The following CMIP variants were observed in gnomAD, a reference collection of about 807,000 sequenced individuals.
CMIP encodes C-Maf-inducing protein.
A neutral mutation model predicts 97.3 loss-of-function variants in CMIP; 13 were observed. The ratio of observed to expected loss-of-function variants is 0.13; its 90% confidence interval spans 0.09 to 0.21. The LOEUF is 0.21. Among genes scored for constraint, CMIP ranks in the 10% least tolerant of loss-of-function variants. CMIP has a pLI of 1.00. For synonymous variants in CMIP, 538 were observed against 436.3 expected (o/e 1.23, Z -2.91); for missense variants, 847 against 1,024.9 (o/e 0.83, Z 2.37).
At chr16:81,533,289 T>C (rs1283758004) in intron 1 of CMIP, among the ~76,000 whole-genome samples, 1 of 152,200 alleles carries the variant, frequency 6.6e-6, no homozygotes, top group African/African-American at 2.4e-5. Context: ...ACCTGCTAGA[T>C]GCTCAGTACA....
chr16:81,458,981 G>A (rs575786270), intron 1 of CMIP, among the ~76,000 whole-genome samples: 1 of 151,862 alleles, frequency 6.6e-6, no homozygotes, highest in African/African-American at 2.4e-5. Flanking sequence ...TGTCATCTCC[G>A]CTGTCACCAT....
At chr16:81,502,523 G>A (rs1210792171) in intron 1 of CMIP, among the ~76,000 whole-genome samples, 1 of 152,092 alleles carries the variant, frequency 6.6e-6, no homozygotes, top group African/African-American at 2.4e-5. Flanking sequence ...TAACTCATTC[G>A]CTCAGCGATC....
intron 1 of CMIP, among the ~76,000 whole-genome samples, chr16:81,551,361 C>G (rs1425670354): frequency 6.6e-6 from 1 of 152,244 alleles, no homozygotes; most frequent in Non-Finnish European, 1.5e-5. Flanking sequence ...TTAGTCACTT[C>G]TAGCTAATTA....
intron 1 of CMIP, among the ~76,000 whole-genome samples, chr16:81,534,154 G>C (rs1184531122): frequency 6.6e-6 from 1 of 152,172 alleles, no homozygotes; most frequent in Non-Finnish European, 1.5e-5. Context: ...TCAAAGCCAG[G>C]ACTTTCAGGA....
chr16:81,587,701 C>A (rs149425360), intron 1 of CMIP, among the ~76,000 whole-genome samples: 1 of 152,240 alleles, frequency 6.6e-6, no homozygotes, highest in Non-Finnish European at 1.5e-5. Flanking sequence ...TCTACTGCTC[C>A]TGACTTCCTG....
At chr16:81,528,985 G>A (rs906073220) in intron 1 of CMIP, among the ~76,000 whole-genome samples, 7 of 151,164 alleles carry the variant, frequency 4.6e-5, no homozygotes, top group Non-Finnish European at 8.8e-5. Flanking sequence ...CCATCTATCC[G>A]CCCATCCCTT....
At chr16:81,562,347 T>G (rs571499233) in intron 1 of CMIP, among the ~76,000 whole-genome samples, 3 of 152,334 alleles carry the variant, frequency 2.0e-5, no homozygotes, top group African/African-American at 7.2e-5. Flanking sequence ...TGGGTCTTCT[T>G]AGTCCTGACA....
At chr16:81,687,271 C>T (rs1567662979) in intron 10 of CMIP, among the ~76,000 whole-genome samples, 1 of 152,184 alleles carries the variant, frequency 6.6e-6, no homozygotes, top group Non-Finnish European at 1.5e-5. Context: ...ACCTGGGCCC[C>T]TCCTGGGGTG....
Position 81,696,686 on chromosome 16 carries a change from G to C in CMIP, c.1638+19G>C, listed in dbSNP as rs766349137. ...CAGCATGGTACGCAGTGGGACCCCA[G>C]TGGGGTGACTTCCAGGGGTCCCTGG... On this transcript the variant is annotated intron_variant, in intron 14 of 20. Transcript: ENST00000537098. The C allele has an allele frequency of 1.0e-5, 16 of 1,600,126 alleles. No homozygotes were observed. The highest frequency in any genetic ancestry group is 1.4e-5 in the Non-Finnish European group (16 of 1,177,770).
intron 7 of CMIP, among the ~76,000 whole-genome samples, chr16:81,668,655 A>T (rs866048828): frequency 6.6e-6 from 1 of 152,100 alleles, no homozygotes. Context: ...CTAGCGTGGC[A>T]CAGATGGGGC....
At chr16:81,618,454 T>C (rs995525699) in intron 2 of CMIP, 1 of 152,246 alleles carries the variant, frequency 6.6e-6, no homozygotes, top group African/African-American at 2.4e-5. Context: ...GCAGGATAAC[T>C]TAATCACAAG....
chr16:81,670,630 G>T (rs1043731889), intron 8 of CMIP, among the ~76,000 whole-genome samples: 121 of 123,700 alleles, frequency 9.8e-4, no homozygotes, highest in African/African-American at 3.0e-3. Context: ...TGGGGGGGGG[G>T]GGGGTGGTTG....
At chr16:81,565,161 G>T (rs1156297483) in intron 1 of CMIP, among the ~76,000 whole-genome samples, 2 of 152,116 alleles carry the variant, frequency 1.3e-5, no homozygotes, top group Non-Finnish European at 2.9e-5. Context: ...CCCTCCTTCG[G>T]CCAAGGGATG....
chr16:81,527,487 C>T (rs953736974), intron 1 of CMIP, among the ~76,000 whole-genome samples: 1 of 152,146 alleles, frequency 6.6e-6, no homozygotes, highest in Non-Finnish European at 1.5e-5. Context: ...TTCAAAAGTA[C>T]ACAACCAAAT....
chr16:81,592,500 C>G, intron 1 of CMIP, among the ~76,000 whole-genome samples: 1 of 152,172 alleles, frequency 6.6e-6, no homozygotes, highest in Non-Finnish European at 1.5e-5. Context: ...CCCTTTGTAC[C>G]GGACCCTCCT....
chr16:81,709,210 C>T (rs983599768), intron 20 of CMIP, among the ~76,000 whole-genome samples: 3 of 152,176 alleles, frequency 2.0e-5, no homozygotes, highest in Non-Finnish European at 2.9e-5. Context: ...CTGGGATTTC[C>T]TGGGATCCAC....
At chr16:81,476,340 A>G in intron 1 of CMIP, 1 of 1,416,512 alleles carries the variant, frequency 7.1e-7, no homozygotes, top group African/African-American at 1.4e-5. Context: ...CCTGATACAT[A>G]AACCCTGGAA....
intron 14 of CMIP, 156 bp downstream of exon 14, chr16:81,696,823 ATGG>A: frequency 1.5e-6 from 1 of 673,462 alleles, no homozygotes; most frequent in Non-Finnish European, 2.5e-6. Flanking sequence ...GGTGGTGGTG[ATGG>A]TGACCGTGAC....
chr16:81,644,125 T>C (rs1016723744), intron 3 of CMIP, among the ~76,000 whole-genome samples: 2 of 152,266 alleles, frequency 1.3e-5, no homozygotes, highest in South Asian at 2.1e-4. Flanking sequence ...ACAATATTTC[T>C]TTAAAAATGA....
Sources: allele counts gnomAD v4.1 joint callset (sites outside exome capture counted in the v4.1 genomes callset), GRCh38; gene constraint gnomAD v4.1.1; transcripts MANE v1.5; gene names NCBI Gene and HGNC (gene_info 2026-07-23, HGNC 2026-07-21).